Variants in ECM2 observed in about 807,000 individuals in gnomAD.
ECM2 encodes extracellular matrix protein 2, female organ and adipocyte specific.
A neutral mutation model predicts 67.5 loss-of-function variants in ECM2; 57 were observed. That is an observed-to-expected ratio of 0.84 (90% CI 0.68 to 1.05). ECM2 has a LOEUF of 1.05. Among genes scored for constraint, ECM2 ranks in the 50% least tolerant of loss-of-function variants. ECM2 has a pLI of 0.00. For missense variants in ECM2, 741 were observed against 822.8 expected, an observed-to-expected ratio of 0.90 and a Z score of 1.22; for synonymous variants, 258 against 294.5, an observed-to-expected ratio of 0.88 and a Z score of 1.27.
At chr9:92,509,734 G>A (rs530234815) in intron 6 of ECM2, among the ~76,000 whole-genome samples, 165 bp downstream of exon 6, 2 of 152,236 alleles carry the variant, frequency 1.3e-5, no homozygotes, top group Admixed American at 6.5e-5. Context: ...TTCATTTTAC[G>A]TTTTACCAGT....
chr9:92,523,936 C>T (rs1053532320), intron 1 of ECM2, among the ~76,000 whole-genome samples: 2 of 152,340 alleles, frequency 1.3e-5, no homozygotes, highest in African/African-American at 4.8e-5. Flanking sequence ...TATGCAGGCA[C>T]TCCATAAGCC....
the ECM2 span, among the ~76,000 whole-genome samples, chr9:92,551,746 C>G: frequency 1.3e-5 from 2 of 151,708 alleles, no homozygotes; most frequent in Non-Finnish European, 1.5e-5. Context: ...TAGCTTAGCT[C>G]CCACATATCA....
At chr9:92,510,350 G>C (rs969606884) in intron 5 of ECM2, among the ~76,000 whole-genome samples, 6 of 152,210 alleles carry the variant, frequency 3.9e-5, no homozygotes, top group African/African-American at 1.4e-4. Flanking sequence ...CTAGATCTTA[G>C]GTTTCCACCT....
the ECM2 span, among the ~76,000 whole-genome samples, chr9:92,551,389 C>CTA: frequency 6.6e-6 from 1 of 152,104 alleles, no homozygotes; most frequent in African/African-American, 2.4e-5. Context: ...CCAAGCTGGA[C>CTA]TGTAGTGGCA....
At chr9:92,494,021 A>G, downstream of ECM2, 2 of 1,559,046 alleles carry the variant, frequency 1.3e-6, no homozygotes, top group Non-Finnish European at 1.7e-6. Flanking sequence ...ATTGTCACCC[A>G]TTTTTCTGAC....
downstream of ECM2, chr9:92,494,272 T>C: frequency 1.2e-6 from 1 of 844,500 alleles, no homozygotes; most frequent in Non-Finnish European, 1.8e-6. Flanking sequence ...ATACTAATTT[T>C]GTTTACAGCT....
At position 92,496,011 on chromosome 9, in the gene ECM2, G is replaced by C; in HGVS notation, c.*304C>G. On this transcript the variant is annotated 3_prime_UTR_variant, in exon 10 of 10. Coordinates refer to ENST00000344604, the MANE Select transcript of ECM2 (RefSeq NM_001393.4). ...ACCAGTATTCAAGTTGATTATAAAGGCTGTGTTTATTTTGTTCCAGACTCT... is the reference window on the plus strand; with the variant it reads ...ACCAGTATTCAAGTTGATTATAAAGCCTGTGTTTATTTTGTTCCAGACTCT... The C allele has an allele frequency of 3.0e-6, 3 of 1,004,694 alleles. No homozygotes were observed. Among genetic ancestry groups the C allele is most frequent in the Non-Finnish European group, 3.6e-6 (3 of 843,280 alleles). The allele number at this position is 1,004,694 out of a possible 1,614,324, so 62.2% of individuals were successfully genotyped here.
upstream of ECM2, among the ~76,000 whole-genome samples, chr9:92,539,337 TCCCCCGCTCCCCCAC>T (rs1849262888): frequency 6.8e-6 from 1 of 147,816 alleles, no homozygotes; most frequent in African/African-American, 2.5e-5. Context: ...TCTCCCGCCT[TCCCCCGCTCCCCCAC>T]CCCCCACCCC....
At chr9:92,515,309 T>C in intron 3 of ECM2, 106 bp from the exon 4 acceptor site, 2 of 1,295,670 alleles carry the variant, frequency 1.5e-6, no homozygotes, top group South Asian at 5.5e-5. Context: ...CTCCAAGTAT[T>C]TGAGTGCAAT....
chr9:92,529,926 A>G lies in ECM2; in HGVS notation c.-28+6007T>C, dbSNP rs114224943. 8.2e-3 allele frequency among the ~76,000 whole-genome samples: 1,245 copies of G among 152,304 alleles called. 31 individuals are homozygous for G. Among genetic ancestry groups the G allele is most frequent in the African/African-American group, 0.029 (1,186 of 41,566 alleles). Reference sequence around the variant, plus strand: ...TCAACCAACCATGAGCGAAAAATGTAGTTTGGCCTATGTAGCTTTTGTGCT... The same window carrying G: ...TCAACCAACCATGAGCGAAAAATGTGGTTTGGCCTATGTAGCTTTTGTGCT... On this transcript the variant is annotated intron_variant, in intron 1 of 9. Coordinates refer to ENST00000344604, the MANE Select transcript of ECM2 (RefSeq NM_001393.4).
chr9:92,517,994 G>A (rs1847830938), intron 2 of ECM2, 119 bp from the exon 3 acceptor site: 1 of 1,169,890 alleles, frequency 8.5e-7, no homozygotes, highest in East Asian at 2.5e-5. Flanking sequence ...AATTCTATGT[G>A]CATTCATGTA....
chr9:92,550,082 G>A, the ECM2 span, among the ~76,000 whole-genome samples: 1 of 152,186 alleles, frequency 6.6e-6, no homozygotes, highest in Admixed American at 6.5e-5. Flanking sequence ...GTCTAGAAGT[G>A]GAAACAAACT....
Position 92,496,271 on chromosome 9 carries a change from A to G in ECM2, c.*44T>C. On this transcript the variant is annotated 3_prime_UTR_variant, in exon 10 of 10. Coordinates refer to ENST00000344604, the MANE Select transcript of ECM2 (RefSeq NM_001393.4). Reference sequence around the variant, plus strand: ...TATTAATGACAAATGCAGCTACTACAAATACATGAGTAAAGTTTATAAACA... The same window carrying G: ...TATTAATGACAAATGCAGCTACTACGAATACATGAGTAAAGTTTATAAACA... 1 of 1,536,938 alleles carries G rather than the reference A, an allele frequency of 6.5e-7. No homozygotes were observed.
At chr9:92,531,317 G>A (rs1458181803) in intron 1 of ECM2, among the ~76,000 whole-genome samples, 1 of 151,916 alleles carries the variant, frequency 6.6e-6, no homozygotes, top group Non-Finnish European at 1.5e-5. Context: ...ACTTATCAAA[G>A]TCTTAATATA....
chr9:92,546,881 A>G, the ECM2 span, among the ~76,000 whole-genome samples: 2 of 152,192 alleles, frequency 1.3e-5, no homozygotes, highest in South Asian at 2.1e-4. Flanking sequence ...ATAATTTCAA[A>G]TCTTCCCACA....
chr9:92,539,944 G>C (rs1342559411), upstream of ECM2, among the ~76,000 whole-genome samples: 1 of 152,048 alleles, frequency 6.6e-6, no homozygotes, highest in Non-Finnish European at 1.5e-5. Flanking sequence ...TTTCCAAAAA[G>C]GTTATAGTAA....
intron 1 of ECM2, among the ~76,000 whole-genome samples, chr9:92,533,293 C>T (rs1277845371): frequency 1.2e-5 from 1 of 85,422 alleles, no homozygotes; most frequent in Non-Finnish European, 2.1e-5. Flanking sequence ...GAGTGAGACT[C>T]GGTCTCAAAC....
intron 3 of ECM2, among the ~76,000 whole-genome samples, chr9:92,516,072 T>TCCCCCCCCGCC (rs1847691778): frequency 7.2e-6 from 1 of 139,694 alleles, no homozygotes; most frequent in African/African-American, 2.6e-5. Flanking sequence ...TACTTTTTTT[T>TCCCCCCCCGCC]CCCCCCCCCG....
upstream of ECM2, among the ~76,000 whole-genome samples, chr9:92,541,403 AC>A (rs1241187967): frequency 3.8e-5 from 3 of 77,994 alleles, no homozygotes; most frequent in African/African-American, 1.3e-4. Flanking sequence ...CTCCACTGCC[AC>A]CCCCCTTCCC....
Sources: allele counts gnomAD v4.1 joint callset (sites outside exome capture counted in the v4.1 genomes callset), GRCh38; gene constraint gnomAD v4.1.1; transcripts MANE v1.5; gene names NCBI Gene and HGNC (gene_info 2026-07-23, HGNC 2026-07-21).